The following LAMB1 variants were observed in gnomAD, a reference collection of about 807,000 sequenced individuals.
LAMB1 encodes laminin subunit beta-1.
LAMB1 carries 121 observed loss-of-function variants against 222.3 expected under a neutral mutation model. That is an observed-to-expected ratio of 0.54 (90% CI 0.47 to 0.63). LAMB1 has a LOEUF of 0.63. LAMB1 is among the 30% of genes least tolerant of loss of function. The probability of loss-of-function intolerance (pLI) is 0.00; values close to 1 mark genes in which losing one functional copy is unlikely to be tolerated. For missense variants in LAMB1, 2,172 were observed against 2,240.8 expected, an observed-to-expected ratio of 0.97 and a Z score of 0.62; for synonymous variants, 794 against 807.2, an observed-to-expected ratio of 0.98 and a Z score of 0.28.
intron 21 of LAMB1, among the ~76,000 whole-genome samples, chr7:107,955,007 T>C (rs576846055): frequency 9.8e-5 from 15 of 152,324 alleles, no homozygotes; most frequent in African/African-American, 3.6e-4. Context: ...CCCAGCTAGA[T>C]TAATTGAATC....
At chr7:107,935,373 T>TG in intron 27 of LAMB1, 42 bp downstream of exon 27, 1 of 1,103,516 alleles carries the variant, frequency 9.1e-7, no homozygotes, top group Non-Finnish European at 1.2e-6. Context: ...TTTTTTTTTT[T>TG]GCTTGGCACC....
In LAMB1 at chr7:107,964,557, C is replaced by T. The variant is rs1027795897; in HGVS notation, c.1693G>A (p.Gly565Arg). The change falls in exon 14 of 34, where the codon GGG becomes AGG. Residue 565 changes from glycine to arginine, a missense_variant. Physicochemically the swap from Gly to Arg is moderately radical, Grantham distance 125. Coordinates refer to ENST00000222399, the MANE Select transcript of LAMB1 (RefSeq NM_002291.3). ...YLYEAEEANL[G>R]PGVSIVERQY... Reference sequence around the variant, plus strand: ...CCACACACTCCCCTACTCACAGGCCCCAAGTTGGCTTCCTCCGCTTCATAG... The same window carrying T: ...CCACACACTCCCCTACTCACAGGCCTCAAGTTGGCTTCCTCCGCTTCATAG... 16 of 1,614,046 alleles carry T rather than the reference C, an allele frequency of 9.9e-6. No homozygotes were observed. Among genetic ancestry groups the T allele is most frequent in the Non-Finnish European group, 1.4e-5 (16 of 1,180,014 alleles).
At chr7:107,983,999 A>C (rs1336753068) in intron 7 of LAMB1, among the ~76,000 whole-genome samples, 2 of 152,180 alleles carry the variant, frequency 1.3e-5, no homozygotes, top group Non-Finnish European at 2.9e-5. Flanking sequence ...TATAAGCTTC[A>C]GCTTATTTTT....
At chr7:108,001,922 GAGA>G (rs1239418731) in intron 2 of LAMB1, 189 bp from the exon 3 acceptor site, 17 of 1,459,570 alleles carry the variant, frequency 1.2e-5, no homozygotes, top group Non-Finnish European at 1.5e-5. Flanking sequence ...ACTCCGAAAG[GAGA>G]AGGACACGGA....
At chr7:107,947,062 G>A (rs902914787) in intron 24 of LAMB1, among the ~76,000 whole-genome samples, 4 of 152,076 alleles carry the variant, frequency 2.6e-5, no homozygotes, top group African/African-American at 4.8e-5. Flanking sequence ...ACAATGCAGC[G>A]CTCCAGGCTG....
intron 10 of LAMB1, 77 bp from the exon 11 acceptor site, chr7:107,975,490 T>C: frequency 7.2e-7 from 1 of 1,390,756 alleles, no homozygotes; most frequent in East Asian, 2.4e-5. Context: ...TATATTCCCT[T>C]CCTCCCTCTA....
intron 24 of LAMB1, chr7:107,950,955 T>TGTGTGTGC: frequency 2.7e-6 from 1 of 368,294 alleles, no homozygotes; most frequent in East Asian, 6.0e-5. Context: ...TGTGTGTGTG[T>TGTGTGTGC]GTGTGTGCTT....
In LAMB1 at chr7:107,935,410, C is replaced by T; in HGVS notation, c.4188+5G>A. The T allele has an allele frequency of 6.6e-7, 1 of 1,519,942 alleles. No homozygotes were observed. The highest frequency in any genetic ancestry group is 1.1e-5 in the South Asian group (1 of 89,456). 94.2% of individuals were successfully genotyped at this position (1,519,942 alleles called of 1,614,324 possible). On this transcript the variant is annotated splice_donor_5th_base_variant and intron_variant, in intron 27 of 33. Coordinates refer to ENST00000222399, the MANE Select transcript of LAMB1 (RefSeq NM_002291.3). Reference sequence around the variant, plus strand: ...TAGCAGTAAGGCCACATCCCCAAACCTTACCATTTCGGCAGCGGCTGAAAG... The same window carrying T: ...TAGCAGTAAGGCCACATCCCCAAACTTTACCATTTCGGCAGCGGCTGAAAG...
chr7:107,980,080 G>A (rs1394046244), intron 8 of LAMB1, among the ~76,000 whole-genome samples: 1 of 151,878 alleles, frequency 6.6e-6, no homozygotes, highest in Non-Finnish European at 1.5e-5. Context: ...TGGTGGTGTG[G>A]GCCTATAATC....
intron 13 of LAMB1, among the ~76,000 whole-genome samples, chr7:107,970,027 G>T (rs1286387453): frequency 6.6e-6 from 1 of 152,158 alleles, no homozygotes; most frequent in Non-Finnish European, 1.5e-5. Context: ...TTGAGTACCT[G>T]CCAGGTCCAC....
chr7:107,961,507 C>T (rs754420864), intron 16 of LAMB1, 42 bp downstream of exon 16: 2 of 1,596,850 alleles, frequency 1.3e-6, no homozygotes, highest in South Asian at 2.2e-5. Flanking sequence ...TACTAATTTG[C>T]ATATGAAGCC....
chr7:107,969,661 C>G (rs1444857214), intron 13 of LAMB1, among the ~76,000 whole-genome samples: 1 of 152,182 alleles, frequency 6.6e-6, no homozygotes, highest in Non-Finnish European at 1.5e-5. Context: ...TGTACTTACA[C>G]AAACCTAGAT....
chr7:107,969,297 A>C (rs1445170222), intron 13 of LAMB1, among the ~76,000 whole-genome samples: 2 of 152,116 alleles, frequency 1.3e-5, no homozygotes, highest in African/African-American at 2.4e-5. Context: ...CAAAAAAAAA[A>C]AAAAAAAATC....
At chr7:107,942,367 C>T (rs2033011326) in intron 24 of LAMB1, 1 of 152,248 alleles carries the variant, frequency 6.6e-6, no homozygotes, top group South Asian at 2.1e-4. Flanking sequence ...TATAACATCA[C>T]CATCCTTTCA....
chr7:107,935,343 CTTTGTT>C, intron 27 of LAMB1, 66 bp downstream of exon 27: 3 of 1,371,576 alleles, frequency 2.2e-6, no homozygotes, highest in African/African-American at 2.4e-5. Flanking sequence ...GTTTGTTTTT[CTTTGTT>C]TTTTTTTTTT....
At chr7:107,965,397 T>C (rs976178127) in intron 13 of LAMB1, among the ~76,000 whole-genome samples, 1 of 152,040 alleles carries the variant, frequency 6.6e-6, no homozygotes, top group Non-Finnish European at 1.5e-5. Context: ...CTCACCAACA[T>C]GGAGAAACCC....
chr7:107,928,768 C>T (rs2116318070), intron 31 of LAMB1, among the ~76,000 whole-genome samples: 1 of 152,348 alleles, frequency 6.6e-6, no homozygotes, highest in East Asian at 1.9e-4. Flanking sequence ...GCTGGAATTA[C>T]AGGCGTGAGC....
chr7:107,972,889 A>G (rs2033776793), intron 13 of LAMB1, 103 bp downstream of exon 13: 1 of 907,064 alleles, frequency 1.1e-6, no homozygotes, highest in African/African-American at 1.6e-5. Context: ...TACAAAAAAT[A>G]TTTTGCATGT....
intron 4 of LAMB1, among the ~76,000 whole-genome samples, chr7:107,995,951 G>A (rs1170629818): frequency 1.3e-5 from 2 of 152,098 alleles, no homozygotes; most frequent in Admixed American, 1.3e-4. Flanking sequence ...TTGAGGGGGC[G>A]GGGGGTGAGG....
Sources: gnomAD v4.1 joint callset for allele counts (sites outside exome capture counted in the v4.1 genomes callset) on GRCh38, gnomAD v4.1.1 for gene constraint, MANE v1.5 for transcripts, NCBI Gene and HGNC (gene_info 2026-07-23, HGNC 2026-07-21) for gene names.